ANKRD27: variants seen among roughly 807,000 people sequenced by gnomAD.
ANKRD27 encodes the protein ankyrin repeat domain 27.
ANKRD27 carries 112 observed loss-of-function variants against 129.7 expected under a neutral mutation model. The observed-to-expected ratio is 0.86, with a 90% CI of 0.74 to 1.01. The LOEUF (loss-of-function observed/expected upper bound fraction) is 1.01. ANKRD27 is among the 50% of genes least tolerant of loss of function. The pLI is 0.00. For missense variants in ANKRD27, 1,258 were observed against 1,300.5 expected, an observed-to-expected ratio of 0.97 and a Z score of 0.50; for synonymous variants, 516 against 511.2, an observed-to-expected ratio of 1.01 and a Z score of -0.13.
chr19:32,630,707 G>A (rs913207492), intron 13 of ANKRD27, among the ~76,000 whole-genome samples: 2 of 152,134 alleles, frequency 1.3e-5, no homozygotes, highest in African/African-American at 4.8e-5. Context: ...CATAGCTCAC[G>A]GCAGCCTCCA....
intron 13 of ANKRD27, among the ~76,000 whole-genome samples, chr19:32,629,728 C>T (rs1966957333): frequency 6.6e-6 from 1 of 151,474 alleles, no homozygotes; most frequent in African/African-American, 2.4e-5. Context: ...AACAAAAAAA[C>T]AACATGACAA....
At chr19:32,663,368 G>A (rs1255217693) in intron 1 of ANKRD27, among the ~76,000 whole-genome samples, 1 of 152,198 alleles carries the variant, frequency 6.6e-6, no homozygotes, top group African/African-American at 2.4e-5. Flanking sequence ...TACATTTTGG[G>A]TGGGTTTGTT....
At chr19:32,653,614 C>T (rs545477842) in intron 2 of ANKRD27, among the ~76,000 whole-genome samples, 87 of 152,218 alleles carry the variant, frequency 5.7e-4, no homozygotes, top group African/African-American at 1.7e-3. Context: ...CAGGAGAAGG[C>T]GCTTCCACTG....
Position 32,600,005 on chromosome 19 carries a change from T to C in ANKRD27, c.2813A>G (p.Gln938Arg). Reference sequence around the variant, plus strand: ...ACCAGCTGAGTGGACAAAGTAAAACTGTCTTGTAAAAGGCTCATCTGGTAG... The same window carrying C: ...ACCAGCTGAGTGGACAAAGTAAAACCGTCTTGTAAAAGGCTCATCTGGTAG... ...YDLPDEPFTRQFYFVHSAGQF... is the reference protein window; with the variant it reads ...YDLPDEPFTRRFYFVHSAGQF... The change falls in exon 27 of 29, where the codon CAG becomes CGG. Residue 938 changes from glutamine to arginine, a missense_variant. Transcript: ENST00000306065. The C allele has an allele frequency of 1.2e-6, 2 of 1,613,272 alleles. No individual in the cohort carries two copies. The highest frequency in any genetic ancestry group is 1.7e-6 in the Non-Finnish European group (2 of 1,179,376).
intron 14 of ANKRD27, 125 bp downstream of exon 14, chr19:32,628,597 G>A (rs1966932993): frequency 8.0e-7 from 1 of 1,256,688 alleles, no homozygotes; most frequent in African/African-American, 1.5e-5. Flanking sequence ...CCACTGTACA[G>A]CAGAGGCAGC....
chr19:32,607,914 C>A (rs535863210), intron 22 of ANKRD27, 82 bp from the exon 23 acceptor site: 15 of 1,343,662 alleles, frequency 1.1e-5, no homozygotes, highest in African/African-American at 8.8e-5. Context: ...ATGTGCCCCC[C>A]ACAGCTCCCA....
At chr19:32,614,528 AC>A (rs1345773033) in intron 22 of ANKRD27, among the ~76,000 whole-genome samples, 2 of 151,828 alleles carry the variant, frequency 1.3e-5, no homozygotes, top group Non-Finnish European at 2.9e-5. Context: ...ACATGGTGAA[AC>A]CCTGTCTCCA....
rs1971726170 is a variant in ANKRD27 at position 32,605,877 on chromosome 19, G to C, written c.2451C>G (p.Ala817=). 2 of 1,614,122 alleles carry C rather than the reference G, an allele frequency of 1.2e-6. No homozygotes were observed. The highest frequency in any genetic ancestry group is 1.6e-4 in the Middle Eastern group (1 of 6,062). Residue 817 remains alanine, a synonymous_variant, in exon 24 of 29, where the codon GCC becomes GCG. Transcript: ENST00000306065. Reference sequence around the variant, plus strand: ...CAAGCTCGTGATGGCCACCGGAGCAGGCGTAAATGAGGGGCGTGTTTCCAC... The same window carrying C: ...CAAGCTCGTGATGGCCACCGGAGCACGCGTAAATGAGGGGCGTGTTTCCAC... ...DLSGNTPLIY[A]CSGGHHELVA...
At chr19:32,662,893 T>G (rs911980726) in intron 1 of ANKRD27, among the ~76,000 whole-genome samples, 5 of 151,752 alleles carry the variant, frequency 3.3e-5, no homozygotes, top group Admixed American at 3.3e-4. Context: ...AATACAAAAA[T>G]TAGCCAGGCG....
chr19:32,600,186 A>G (rs1254224591), intron 26 of ANKRD27, 136 bp from the exon 27 acceptor site: 1 of 652,466 alleles, frequency 1.5e-6, no homozygotes, highest in Non-Finnish European at 2.6e-6. Context: ...TTGCTTAAAG[A>G]AACACAGCTA....
intron 1 of ANKRD27, among the ~76,000 whole-genome samples, chr19:32,670,395 G>A (rs1019724384): frequency 6.6e-6 from 1 of 152,196 alleles, no homozygotes; most frequent in Non-Finnish European, 1.5e-5. Context: ...TTCTGTCCTA[G>A]TGTTAAAAAT....
At chr19:32,671,005 T>C (rs114306233) in intron 1 of ANKRD27, among the ~76,000 whole-genome samples, 5,651 of 151,488 alleles carry the variant, frequency 0.037, 120 homozygotes, top group Middle Eastern at 0.072. Context: ...CAAAAAAAAA[T>C]CTGTAATATG....
chr19:32,661,214 AAAT>A (rs1967637492), intron 1 of ANKRD27, among the ~76,000 whole-genome samples: 1 of 111,082 alleles, frequency 9.0e-6, no homozygotes, highest in African/African-American at 3.0e-5. Context: ...AAAAAAAAAA[AAAT>A]TATACACACA....
At chr19:32,617,069 G>A (rs1466854583) in intron 21 of ANKRD27, among the ~76,000 whole-genome samples, 5 of 152,144 alleles carry the variant, frequency 3.3e-5, no homozygotes, top group African/African-American at 1.2e-4. Flanking sequence ...CACTCGCTAT[G>A]TGCCTGTATG....
intron 3 of ANKRD27, among the ~76,000 whole-genome samples, chr19:32,647,411 G>A (rs565034149): frequency 1.3e-5 from 2 of 152,330 alleles, no homozygotes; most frequent in African/African-American, 4.8e-5. Flanking sequence ...TGGGGTATGT[G>A]TCGTTTTGTT....
chr19:32,644,037 G>T (rs1967253926), intron 5 of ANKRD27, among the ~76,000 whole-genome samples: 1 of 151,948 alleles, frequency 6.6e-6, no homozygotes, highest in African/African-American at 2.4e-5. Flanking sequence ...ACCATGCCTG[G>T]CTAATTTTTG....
chr19:32,666,738 T>C (rs1024756861), intron 1 of ANKRD27, among the ~76,000 whole-genome samples: 4 of 149,430 alleles, frequency 2.7e-5, no homozygotes, highest in African/African-American at 7.4e-5. Context: ...TCCACCCCTG[T>C]GATCAAGTAA....
chr19:32,650,580 G>A (rs1039385691), intron 2 of ANKRD27, among the ~76,000 whole-genome samples: 8 of 151,682 alleles, frequency 5.3e-5, no homozygotes, highest in Middle Eastern at 3.2e-3. Context: ...CCAGCTACTC[G>A]GGAGGTTGTG....
In ANKRD27 at chr19:32,604,306, A is replaced by T. The variant is rs1444432393; in HGVS notation, c.2612T>A (p.Val871Glu). The change falls in exon 25 of 29, where the codon GTG (valine) becomes GAG (glutamate). Residue 871 changes from valine to glutamate, a missense_variant. By Grantham distance (121) the Val-to-Glu change is moderately radical. Transcript: ENST00000306065. ...LLLLHGASVQVLNKRQRTAVD... is the reference protein window; with the variant it reads ...LLLLHGASVQELNKRQRTAVD... ...AGCCGTGCGCTGCCGCTTGTTCAGC[A>T]CCTGAACTGACGCTCCGTGGAGCAG... The T allele has an allele frequency of 6.2e-7, 1 of 1,613,846 alleles. No homozygotes were observed.
Sources: gnomAD v4.1 joint callset for allele counts (sites outside exome capture counted in the v4.1 genomes callset) on GRCh38, gnomAD v4.1.1 for gene constraint, MANE v1.5 for transcripts, NCBI Gene and HGNC (gene_info 2026-07-23, HGNC 2026-07-21) for gene names.